The following CYP2C8 variants were observed in gnomAD, a reference collection of about 807,000 sequenced individuals.
CYP2C8 encodes cytochrome P450 family 2 subfamily C member 8, also known as cytochrome P450 2C8.
A neutral mutation model predicts 41.3 loss-of-function variants in CYP2C8; 51 were observed. The observed-to-expected ratio is 1.24, with a 90% CI of 0.99 to 1.56. The LOEUF (loss-of-function observed/expected upper bound fraction) is 1.56, where lower values mean the gene tolerates loss of function less well. Among genes scored for constraint, CYP2C8 ranks in the 40% most tolerant of loss-of-function variants. The pLI is 0.00. For missense variants in CYP2C8, 651 were observed against 579.9 expected, an observed-to-expected ratio of 1.12 and a Z score of -1.26; for synonymous variants, 218 against 205.8, an observed-to-expected ratio of 1.06 and a Z score of -0.51.
chr10:95,067,348 G>A lies in CYP2C8; in HGVS notation c.341C>T (p.Ser114Phe), dbSNP rs752917521. The A allele has an allele frequency of 2.5e-6, 4 of 1,606,964 alleles. No individual in the cohort carries two copies. Among genetic ancestry groups the A allele is most frequent in the South Asian group, 1.1e-5 (1 of 90,654 alleles). Residue 114 changes from serine (S) to phenylalanine (F), a missense_variant, in exon 3 of 9, where the codon TCC becomes TTC. By Grantham distance (155) the Ser-to-Phe change is radical (BLOSUM62 -2). Coordinates refer to ENST00000371270, the MANE Select transcript of CYP2C8 (RefSeq NM_000770.3). ...QRITKGLGII[S>F]SNGKRWKEIR... ...CTCCTTCCATCTCTTTCCATTGCTG[G>A]AAATGATTCCTAATAAAAAAAGGGG...
chr10:95,051,039 T>C (rs959125120), intron 5 of CYP2C8, among the ~76,000 whole-genome samples: 2 of 152,172 alleles, frequency 1.3e-5, no homozygotes, highest in African/African-American at 4.8e-5. Context: ...AGATGTGTGA[T>C]CTTTCAGCCA....
chr10:95,061,559 T>A (rs1338384417), intron 4 of CYP2C8, among the ~76,000 whole-genome samples: 1 of 152,230 alleles, frequency 6.6e-6, no homozygotes, highest in African/African-American at 2.4e-5. Flanking sequence ...TTCCTAATGG[T>A]CTATCAATTT....
chr10:95,062,199 A>G (rs2033451195), intron 4 of CYP2C8, among the ~76,000 whole-genome samples: 1 of 151,972 alleles, frequency 6.6e-6, no homozygotes, highest in African/African-American at 2.4e-5. Context: ...TATCCTTGTT[A>G]ACTTTCTGTC....
chr10:95,053,524 C>T (rs1338552083), intron 5 of CYP2C8, among the ~76,000 whole-genome samples: 1 of 152,108 alleles, frequency 6.6e-6, no homozygotes, highest in East Asian at 1.9e-4. Flanking sequence ...CCCAAATGCC[C>T]ATCAGTGATA....
rs1246014626 is a variant in CYP2C8 at position 95,058,314 on chromosome 10, G to A, written c.819+21C>T. ...AAAATGGACAAGAAATCAAAATACT[G>A]ATCTGTTGCTAATATCTTACCTGCT... On this transcript the variant is annotated intron_variant, in intron 5 of 8. Transcript: ENST00000371270. 21 of 1,611,836 alleles carry A rather than the reference G, an allele frequency of 1.3e-5. No individual in the cohort carries two copies. In the East Asian group the frequency reaches 4.0e-4, roughly 31 times the overall value.
At chr10:95,038,811 C>T in intron 8 of CYP2C8, 86 bp downstream of exon 8, 4 of 1,273,734 alleles carry the variant, frequency 3.1e-6, no homozygotes, top group South Asian at 2.4e-5. Flanking sequence ...TTCTACCAGC[C>T]CCAGAGGAGG....
chr10:95,037,285 C>T lies in CYP2C8; in HGVS notation c.1316G>A (p.Gly439Glu). The T allele has an allele frequency of 1.9e-6, 3 of 1,613,536 alleles. No homozygotes were observed. Among genetic ancestry groups the T allele is most frequent in the South Asian group, 2.2e-5 (2 of 91,028 alleles). The change falls in exon 9 of 9, where the codon GGA (glycine) becomes GAA (glutamate). Residue 439 changes from glycine to glutamate, a missense_variant. By Grantham distance (98) the Gly-to-Glu change is moderately conservative. Coordinates refer to ENST00000371270, the MANE Select transcript of CYP2C8 (RefSeq NM_000770.3). Reference protein sequence around the residue: ...SAGKRICAGEGLARMELFLFL... With the variant: ...SAGKRICAGEELARMELFLFL... ...TAAAAATAGCTCCATGCGGGCAAGT[C>T]CTTCTCCTGCACAAATTCGTTTTCC...
chr10:95,050,993 T>C (rs963449305), intron 5 of CYP2C8, among the ~76,000 whole-genome samples: 2 of 152,078 alleles, frequency 1.3e-5, no homozygotes, highest in African/African-American at 4.8e-5. Context: ...CCACACGAAC[T>C]AAATAAGGCA....
At chr10:95,053,758 C>T (rs2033256893) in intron 5 of CYP2C8, among the ~76,000 whole-genome samples, 2 of 151,832 alleles carry the variant, frequency 1.3e-5, no homozygotes, top group Admixed American at 6.6e-5. Flanking sequence ...CACACCAGGG[C>T]CTGTTGGGGG....
In CYP2C8 at chr10:95,067,082, C is replaced by T; in HGVS notation, c.481+126G>A. 3.0e-6 allele frequency: 4 copies of T among 1,332,514 alleles called. No individual in the cohort carries two copies. In the South Asian group the frequency reaches 3.5e-5, roughly 12 times the overall value. The allele number at this position is 1,332,514 out of a possible 1,614,324, so 82.5% of individuals were successfully genotyped here. A position where few individuals can be genotyped will look rare whatever the true frequency, so the allele number is the denominator to read the frequency against. ...TGTCTCTGTGCTTCAAATCTCCCTC[C>T]ACCACCTGAGGGCTGACAACCAGGA... On this transcript the variant is annotated intron_variant, in intron 3 of 8. Coordinates refer to ENST00000371270, the MANE Select transcript of CYP2C8 (RefSeq NM_000770.3).
At chr10:95,052,694 A>G (rs2033235304) in intron 5 of CYP2C8, among the ~76,000 whole-genome samples, 1 of 152,158 alleles carries the variant, frequency 6.6e-6, no homozygotes, top group Non-Finnish European at 1.5e-5. Context: ...GAACGAAAGC[A>G]TATGGTCACT....
chr10:95,048,667 G>C (rs1037456004), intron 5 of CYP2C8, among the ~76,000 whole-genome samples: 25 of 152,126 alleles, frequency 1.6e-4, no homozygotes, highest in African/African-American at 5.6e-4. Context: ...GTTGTAATAG[G>C]CTGTGCCTAT....
intron 4 of CYP2C8, 97 bp from the exon 5 acceptor site, chr10:95,058,608 A>T (rs1404478446): frequency 9.1e-7 from 1 of 1,101,934 alleles, no homozygotes; most frequent in Non-Finnish European, 1.3e-6. Context: ...TATGAATAAG[A>T]CATCATGTCC....
chr10:95,058,648 A>G, intron 4 of CYP2C8, 137 bp from the exon 5 acceptor site: 1 of 781,324 alleles, frequency 1.3e-6, no homozygotes, highest in Non-Finnish European at 2.0e-6. Flanking sequence ...ATACATATAT[A>G]CATTTTTTAT....
rs188305680 is a variant in CYP2C8 at position 95,067,536 on chromosome 10, T to C, written c.324A>G (p.Lys108=). The C allele has an allele frequency of 2.0e-5, 32 of 1,614,106 alleles. No individual in the cohort carries two copies. The East Asian group carries it at 6.9e-4, about 35-fold the overall frequency. ...GNSPISQRIT[K]GLGIISSNGK... is the part of the protein sequence containing the mutation. ...AGAAATATGTGCACCTACCAAGTCC[T>C]TTAGTAATTCTTTGAGATATTGGGG... The change falls in exon 2 of 9, where the codon AAA becomes AAG. Residue 108 remains lysine (K), a synonymous_variant. Transcript: ENST00000371270.
intron 4 of CYP2C8, among the ~76,000 whole-genome samples, chr10:95,064,416 G>A (rs1159179767): frequency 1.3e-5 from 2 of 152,264 alleles, no homozygotes; most frequent in African/African-American, 4.8e-5. Flanking sequence ...GTGGGCATGG[G>A]ACCCTCCAAG....
intron 6 of CYP2C8, among the ~76,000 whole-genome samples, chr10:95,043,675 G>A (rs2033052467): frequency 1.3e-5 from 2 of 151,820 alleles, no homozygotes; most frequent in African/African-American, 4.8e-5. Flanking sequence ...TGAGAGATGA[G>A]AATTTTCATC....
intron 5 of CYP2C8, among the ~76,000 whole-genome samples, chr10:95,046,678 G>T (rs1431922688): frequency 6.6e-6 from 1 of 150,886 alleles, no homozygotes; most frequent in Non-Finnish European, 1.5e-5. Flanking sequence ...TGAAGGGGGA[G>T]GTAGGATTGA....
intron 4 of CYP2C8, among the ~76,000 whole-genome samples, chr10:95,063,957 A>T (rs1161100422): frequency 6.6e-6 from 1 of 152,198 alleles, no homozygotes; most frequent in Admixed American, 6.5e-5. Flanking sequence ...ATTGCTGAAC[A>T]GCAAATGTTG....
Sources: allele counts gnomAD v4.1 joint callset (sites outside exome capture counted in the v4.1 genomes callset), GRCh38; gene constraint gnomAD v4.1.1; transcripts MANE v1.5; gene names NCBI Gene and HGNC (gene_info 2026-07-23, HGNC 2026-07-21).